Variants in DDX60 observed in about 807,000 individuals in gnomAD.
The protein encoded by DDX60 is probable ATP-dependent RNA helicase DDX60.
In DDX60, 165 loss-of-function variants were observed where a neutral mutation model predicts 212.8. The ratio of observed to expected loss-of-function variants is 0.78; its 90% CI spans 0.68 to 0.88. The LOEUF is 0.88. Among genes scored for constraint, DDX60 ranks in the 40% least tolerant of loss-of-function variants. DDX60 has a pLI of 0.00. For missense variants in DDX60, 1,905 were observed against 2,003.9 expected (o/e 0.95, Z 0.94); for synonymous variants, 703 against 685.3 (o/e 1.03, Z -0.40).
chr4:168,253,788 T>C (rs1174720885), intron 26 of DDX60, among the ~76,000 whole-genome samples: 1 of 152,332 alleles, frequency 6.6e-6, no homozygotes, highest in East Asian at 1.9e-4. Context: ...GGAATCTACC[T>C]AGAAGACTCC....
chr4:168,321,684 T>C (rs1170560552), upstream of DDX60, among the ~76,000 whole-genome samples: 1 of 152,180 alleles, frequency 6.6e-6, no homozygotes, highest in South Asian at 2.1e-4. Flanking sequence ...ACACACAGCA[T>C]GCCACTTACA....
the DDX60 span, among the ~76,000 whole-genome samples, chr4:168,324,145 A>G: frequency 6.6e-6 from 1 of 152,204 alleles, no homozygotes; most frequent in East Asian, 1.9e-4. Context: ...TCCTGCATCC[A>G]GGAGGCCTTG....
At chr4:168,278,776 C>T (rs1391291997) in intron 14 of DDX60, among the ~76,000 whole-genome samples, 1 of 152,106 alleles carries the variant, frequency 6.6e-6, no homozygotes, top group African/African-American at 2.4e-5. Flanking sequence ...TTGCAGTGAG[C>T]AAGATCACAC....
chr4:168,312,862 C>A (rs1737203279), intron 1 of DDX60, among the ~76,000 whole-genome samples: 1 of 150,982 alleles, frequency 6.6e-6, no homozygotes, highest in Non-Finnish European at 1.5e-5. Context: ...ACTGTAATGA[C>A]AAATAAGTTT....
intron 1 of DDX60, 70 bp from the exon 2 acceptor site, chr4:168,311,435 C>A (rs1481078659): frequency 1.7e-6 from 1 of 587,128 alleles, no homozygotes; most frequent in Non-Finnish European, 3.0e-6. Context: ...ATATGTAAAG[C>A]AAAATATTAG....
chr4:168,318,396 T>C (rs1367325149), intron 1 of DDX60, among the ~76,000 whole-genome samples: 3 of 152,258 alleles, frequency 2.0e-5, no homozygotes, highest in African/African-American at 2.4e-5. Context: ...ACTTCAGGCC[T>C]TTCGCGGTTG....
chr4:168,273,023 T>C (rs1735170042), intron 18 of DDX60, among the ~76,000 whole-genome samples: 1 of 152,130 alleles, frequency 6.6e-6, no homozygotes, highest in South Asian at 2.1e-4. Context: ...CTGAATCCCT[T>C]TACAAACCAA....
chr4:168,285,404 A>T lies in DDX60; in HGVS notation c.1434T>A (p.Pro478=), dbSNP rs749020119. Residue 478 remains proline, a synonymous_variant, in exon 11 of 38, where the codon CCT becomes CCA. Coordinates refer to ENST00000393743, the MANE Select transcript of DDX60 (RefSeq NM_017631.6). The part of the protein sequence containing the change: ...KFAGDILKDL[P]FLKSDDPIVT... ...TTTTGGCCTTATACCTCTTTAGAAA[A>T]GGCAAATCTTTCAAAATATCTCCAG... The T allele has an allele frequency of 6.2e-7, 1 of 1,608,814 alleles. No individual in the cohort carries two copies. Among genetic ancestry groups the T allele is most frequent in the Admixed American group, 1.7e-5 (1 of 59,606 alleles).
At chr4:168,276,208 G>A (rs774404404) in intron 14 of DDX60, 27 bp from the exon 15 acceptor site, 6 of 1,542,938 alleles carry the variant, frequency 3.9e-6, no homozygotes, top group South Asian at 1.2e-5. Context: ...CAATAAAATT[G>A]TTATAAAGAC....
chr4:168,262,924 C>G, intron 22 of DDX60, 137 bp from the exon 23 acceptor site: 1 of 464,636 alleles, frequency 2.2e-6, no homozygotes, highest in East Asian at 3.9e-5. Context: ...GTGCTAAATG[C>G]TACCAAATTC....
intron 18 of DDX60, among the ~76,000 whole-genome samples, chr4:168,272,831 T>C (rs1367175302): frequency 6.6e-6 from 1 of 152,206 alleles, no homozygotes; most frequent in African/African-American, 2.4e-5. Flanking sequence ...TATTTAGTCT[T>C]AATTGTTGAT....
At chr4:168,247,913 T>C (rs1734078094) in intron 29 of DDX60, among the ~76,000 whole-genome samples, 1 of 152,220 alleles carries the variant, frequency 6.6e-6, no homozygotes, top group Non-Finnish European at 1.5e-5. Flanking sequence ...GCAAATGCCG[T>C]GGGAGAGTAA....
At chr4:168,258,013 A>T (rs1032308184) in intron 25 of DDX60, among the ~76,000 whole-genome samples, 1 of 152,214 alleles carries the variant, frequency 6.6e-6, no homozygotes, top group African/African-American at 2.4e-5. Context: ...GTAAATAAAG[A>T]ACTGCCTGTG....
chr4:168,236,513 A>G (rs772816265), intron 32 of DDX60, 140 bp from the exon 33 acceptor site: 51 of 691,246 alleles, frequency 7.4e-5, no homozygotes, highest in Non-Finnish European at 1.0e-4. Flanking sequence ...GAATTACCAT[A>G]TATCCGCTAA....
At chr4:168,295,017 A>G (rs960062091) in intron 6 of DDX60, among the ~76,000 whole-genome samples, 5 of 152,238 alleles carry the variant, frequency 3.3e-5, no homozygotes, top group African/African-American at 1.2e-4. Context: ...ATGCAAATTA[A>G]AACTACAATG....
At chr4:168,230,707 C>T (rs1218372633) in intron 33 of DDX60, among the ~76,000 whole-genome samples, 2 of 151,978 alleles carry the variant, frequency 1.3e-5, no homozygotes, top group Non-Finnish European at 2.9e-5. Context: ...GAGAAAAGTT[C>T]ATAGCATTAA....
At chr4:168,305,196 C>T (rs2149548694) in intron 5 of DDX60, among the ~76,000 whole-genome samples, 1 of 152,306 alleles carries the variant, frequency 6.6e-6, no homozygotes, top group Admixed American at 6.5e-5. Context: ...ATAGGCTATA[C>T]CATCTAGCTT....
intron 3 of DDX60, among the ~76,000 whole-genome samples, chr4:168,308,818 T>G (rs1399735070): frequency 6.6e-6 from 1 of 151,222 alleles, no homozygotes; most frequent in Non-Finnish European, 1.5e-5. Flanking sequence ...TTGTGAAAAT[T>G]TGTGACTATT....
chr4:168,219,192 T>C (rs953781498), intron 37 of DDX60, among the ~76,000 whole-genome samples: 2 of 151,868 alleles, frequency 1.3e-5, no homozygotes, highest in Non-Finnish European at 2.9e-5. Context: ...CCTGGGAGGC[T>C]TAGGCAGGAG....
Sources: allele counts gnomAD v4.1 joint callset (sites outside exome capture counted in the v4.1 genomes callset), GRCh38; gene constraint gnomAD v4.1.1; transcripts MANE v1.5; gene names NCBI Gene and HGNC (gene_info 2026-07-23, HGNC 2026-07-21).